GNL2: variants seen among roughly 807,000 people sequenced by gnomAD.
The protein encoded by GNL2 is nucleolar GTP-binding protein 2.
A neutral mutation model predicts 92.3 loss-of-function variants in GNL2; 51 were observed. The observed-to-expected ratio is 0.55, with a 90% confidence interval of 0.44 to 0.70. The LOEUF (loss-of-function observed/expected upper bound fraction) is 0.70. Ranked by LOEUF, GNL2 falls within the 30% of genes least tolerant of loss-of-function variation. The pLI, the probability that GNL2 is intolerant of heterozygous loss-of-function variation, is 0.00. For synonymous variants in GNL2, 283 were observed against 300.6 expected (o/e 0.94, Z 0.61); for missense variants, 844 against 895.6 (o/e 0.94, Z 0.74).
chr1:37,593,793 G>A lies in GNL2; in HGVS notation c.118C>T (p.Arg40Cys), dbSNP rs1453032863. ...QNMRDRATIR[R>C]LNMYRQKERR... ...TCCTTTTGCCTATACATATTCAGGC[G>A]CCGGATGGTGGCCCGGTCCCTCATG... The change falls in exon 2 of 16, where the codon CGC (arginine) becomes TGC (cysteine). Residue 40 changes from arginine (R) to cysteine (C), a missense_variant. Coordinates refer to ENST00000373062, the MANE Select transcript of GNL2 (RefSeq NM_013285.3). 11 of 1,613,964 alleles carry A rather than the reference G, an allele frequency of 6.8e-6. No individual in the cohort carries two copies. The highest frequency in any genetic ancestry group is 4.5e-5 in the East Asian group (2 of 44,882).
At chr1:37,587,117 A>C (rs1643860582) in intron 5 of GNL2, among the ~76,000 whole-genome samples, 194 bp downstream of exon 5, 2 of 152,124 alleles carry the variant, frequency 1.3e-5, no homozygotes, top group South Asian at 2.1e-4. Context: ...AATACAAAAA[A>C]TTAGCCAGGC....
Position 37,568,277 on chromosome 1 carries a change from C to G in GNL2, c.1949G>C (p.Arg650Thr), listed in dbSNP as rs1184954928. 1 of 1,578,734 alleles carries G rather than the reference C, an allele frequency of 6.3e-7. No homozygotes were observed. Among genetic ancestry groups the G allele is most frequent in the Admixed American group, 1.7e-5 (1 of 59,952 alleles). ...TGATTGAAATAATTTAACTTCACCTCTGTCATCTACATCTTCTTCCAGTGT... is the reference window on the plus strand; with the variant it reads ...TGATTGAAATAATTTAACTTCACCTGTGTCATCTACATCTTCTTCCAGTGT... ...RKTLEEDVDD[R>T]APSKKGKKRK... The change falls in exon 14 of 16, where the codon AGA (arginine) becomes ACA (threonine). Residue 650 changes from arginine to threonine, a missense_variant and splice_region_variant. Physicochemically the swap from Arg to Thr is moderately conservative, Grantham distance 71. Coordinates refer to ENST00000373062, the MANE Select transcript of GNL2 (RefSeq NM_013285.3).
rs934908301 is a variant in GNL2, at chr1:37,582,763, A to G, written c.795+15T>C. On this transcript the variant is annotated intron_variant, in intron 7 of 15. Transcript: ENST00000373062. ...ATGTCTTAATAGTCTATTCTGGTTTAGTAGTTGTACTTACTGTTGCCCAGG... is the reference window on the plus strand; with the variant it reads ...ATGTCTTAATAGTCTATTCTGGTTTGGTAGTTGTACTTACTGTTGCCCAGG... 6.3e-7 allele frequency: 1 copy of G among 1,599,146 alleles called. No individual in the cohort carries two copies.
rs1449687060 is a variant in GNL2, at chr1:37,574,744, T to C, written c.1223A>G (p.Lys408Arg). 6.2e-7 allele frequency: 1 copy of C among 1,613,756 alleles called. No individual in the cohort carries two copies. The highest frequency in any genetic ancestry group is 8.5e-7 in the Non-Finnish European group (1 of 1,179,628). The change falls in exon 11 of 16, where the codon AAA becomes AGA. Residue 408 changes from lysine (K) to arginine (R), a missense_variant. Coordinates refer to ENST00000373062, the MANE Select transcript of GNL2 (RefSeq NM_013285.3). ...CTCCCAAGAATCAATCTTGTATGTT[T>C]TGCTGATATATTCTGGCTTTGCTCG... ...LERAKPEYIS[K>R]TYKIDSWENA...
At chr1:37,593,902 C>G in intron 1 of GNL2, 56 bp from the exon 2 acceptor site, 1 of 1,273,212 alleles carries the variant, frequency 7.9e-7, no homozygotes, top group East Asian at 2.4e-5. Context: ...GTATAACCAA[C>G]AAGTCATTGC....
Position 37,569,320 on chromosome 1 carries a change from TG to T in GNL2, c.1417-19del. 1 of 1,502,512 alleles carries T rather than the reference TG, an allele frequency of 6.7e-7. No individual in the cohort carries two copies. Among genetic ancestry groups the T allele is most frequent in the Non-Finnish European group, 9.1e-7 (1 of 1,095,440 alleles). 93.1% of individuals were successfully genotyped at this position (1,502,512 alleles called of 1,614,324 possible). ...GGTAGAAGCTATTAAGGGGTGGAAA[TG>T]GGGGAAATAAATAGAATCAGAAAAT... is the stretch of plus-strand genomic sequence containing the variant. On this transcript the variant is annotated intron_variant, in intron 12 of 15. Coordinates refer to ENST00000373062, the MANE Select transcript of GNL2 (RefSeq NM_013285.3).
chr1:37,576,513 T>A lies in GNL2; in HGVS notation c.953A>T (p.Tyr318Phe), dbSNP rs781467964. The A allele has an allele frequency of 1.1e-5, 18 of 1,614,110 alleles. No individual in the cohort carries two copies. In the South Asian group the frequency reaches 2.0e-4, roughly 18 times the overall value. ...CACAGAGCTCTTGCCAACATTTGGATAGCCAATGAACCCAACACTGATCTG... is the reference window on the plus strand; with the variant it reads ...CACAGAGCTCTTGCCAACATTTGGAAAGCCAATGAACCCAACACTGATCTG... ...KKQISVGFIG[Y>F]PNVGKSSVIN... Residue 318 changes from tyrosine to phenylalanine, a missense_variant, in exon 9 of 16, where the codon TAT (tyrosine) becomes TTT (phenylalanine). Tyr to Phe is a conservative substitution (Grantham distance 22). Coordinates refer to ENST00000373062, the MANE Select transcript of GNL2 (RefSeq NM_013285.3).
At chr1:37,579,006 T>A (rs1018021921) in intron 8 of GNL2, among the ~76,000 whole-genome samples, 2 of 151,994 alleles carry the variant, frequency 1.3e-5, no homozygotes, top group African/African-American at 4.8e-5. Flanking sequence ...CTCAAAAAAA[T>A]TTTTAAAGTA....
chr1:37,579,055 CAAAA>C (rs1188544316), intron 8 of GNL2, among the ~76,000 whole-genome samples: 1 of 151,746 alleles, frequency 6.6e-6, no homozygotes, highest in Non-Finnish European at 1.5e-5. Context: ...GCAGAAAACA[CAAAA>C]AAACCCACAA....
At chr1:37,594,382 T>C (rs111819763) in intron 1 of GNL2, among the ~76,000 whole-genome samples, 61 of 152,330 alleles carry the variant, frequency 4.0e-4, no homozygotes, top group African/African-American at 1.4e-3. Flanking sequence ...AATTTTGATA[T>C]ATGTGTTCTT....
chr1:37,595,262 A>G (rs1221564421), intron 1 of GNL2, among the ~76,000 whole-genome samples: 2 of 152,200 alleles, frequency 1.3e-5, no homozygotes, highest in South Asian at 4.1e-4. Flanking sequence ...CACATCTCCT[A>G]AACAGCCTTA....
chr1:37,569,411 G>T, intron 12 of GNL2, 109 bp from the exon 13 acceptor site: 3 of 726,508 alleles, frequency 4.1e-6, no homozygotes, highest in South Asian at 3.8e-5. Flanking sequence ...ACTAAGGGAA[G>T]GTATTGAAAA....
intron 3 of GNL2, 118 bp downstream of exon 3, chr1:37,592,594 A>G: frequency 1.5e-6 from 1 of 646,898 alleles, no homozygotes; most frequent in South Asian, 1.9e-5. Context: ...TCCCTTTCTC[A>G]GATAATCCTT....
chr1:37,571,212 T>C (rs1004183242), intron 12 of GNL2, among the ~76,000 whole-genome samples: 4 of 152,198 alleles, frequency 2.6e-5, no homozygotes, highest in South Asian at 4.1e-4. Flanking sequence ...AATACAATTA[T>C]AATTAAGCAC....
chr1:37,581,733 C>T (rs1643771578), intron 8 of GNL2, among the ~76,000 whole-genome samples: 3 of 151,280 alleles, frequency 2.0e-5, no homozygotes, highest in South Asian at 2.1e-4. Flanking sequence ...GGCGCAATCT[C>T]GGCTCACGGC....
At chr1:37,589,790 T>C (rs1056696265) in intron 4 of GNL2, among the ~76,000 whole-genome samples, 1 of 152,218 alleles carries the variant, frequency 6.6e-6, no homozygotes, top group Non-Finnish European at 1.5e-5. Flanking sequence ...ATTGAATCCT[T>C]ACTGCACTTC....
Position 37,592,777 on chromosome 1 carries a change from AG to A in GNL2, c.178del (p.Leu60CysfsTer15). On this transcript the variant is annotated frameshift_variant, in exon 3 of 16. Coordinates refer to ENST00000373062, the MANE Select transcript of GNL2 (RefSeq NM_013285.3). LOFTEE classifies it high-confidence loss of function. The part of the protein sequence containing the change: ...RNSRGKIIKP[L>X]QYQSTVASGT... ...AGAAGCCACCGTTGATTGATATTGC[AG>A]GGGTTTAATTATTTTACCACGACTG... 8 of 1,607,206 alleles carry A rather than the reference AG, an allele frequency of 5.0e-6. No homozygotes were observed. Among genetic ancestry groups the A allele is most frequent in the Non-Finnish European group, 6.8e-6 (8 of 1,173,644 alleles).
intron 1 of GNL2, among the ~76,000 whole-genome samples, chr1:37,594,393 A>T (rs1643908642): frequency 1.3e-5 from 2 of 152,198 alleles, no homozygotes; most frequent in Non-Finnish European, 2.9e-5. Flanking sequence ...ATGTGTTCTT[A>T]CTTTCTTAAT....
Position 37,587,497 on chromosome 1 carries a change from TG to T in GNL2, c.385-3del. Reference sequence around the variant, plus strand: ...ATCAAGAATGTGCACCTTCAAGTTCTGAAGAGAAAGGAGAATAACAGGTAAA... The same window carrying T: ...ATCAAGAATGTGCACCTTCAAGTTCTAAGAGAAAGGAGAATAACAGGTAAA... On this transcript the variant is annotated splice_polypyrimidine_tract_variant and splice_region_variant and intron_variant, in intron 4 of 15. Transcript: ENST00000373062. 6.3e-7 allele frequency: 1 copy of T among 1,599,084 alleles called. No individual in the cohort carries two copies. Among genetic ancestry groups the T allele is most frequent in the Non-Finnish European group, 8.5e-7 (1 of 1,170,180 alleles).
Sources: allele counts gnomAD v4.1 joint callset (sites outside exome capture counted in the v4.1 genomes callset), GRCh38; gene constraint gnomAD v4.1.1; transcripts MANE v1.5; gene names NCBI Gene and HGNC (gene_info 2026-07-23, HGNC 2026-07-21).